Variants in PARP3 observed in about 807,000 individuals in gnomAD.
PARP3 encodes poly(ADP-ribose) polymerase family member 3.
Under a neutral mutation model 58.2 loss-of-function variants are expected in PARP3, and 46 were observed. That is an observed-to-expected ratio of 0.79 (90% CI 0.62 to 1.01). The LOEUF is 1.01. Ranked by LOEUF, PARP3 falls within the 50% of genes least tolerant of loss-of-function variation. The pLI is 0.00. For missense variants in PARP3, 663 were observed against 683.9 expected (o/e 0.97, Z 0.34); for synonymous variants, 252 against 266.4 (o/e 0.95, Z 0.53).
At position 51,944,133 on chromosome 3, in the gene PARP3, GAAC is replaced by G. The variant is rs757924755; in HGVS notation, c.240_242del (p.Asn80del). 394 of 1,613,576 alleles carry G rather than the reference GAAC, an allele frequency of 2.4e-4. 3 individuals are homozygous for G. Among genetic ancestry groups the G allele is most frequent in the Middle Eastern group, 3.3e-4 (2 of 6,060 alleles). On this transcript the variant is annotated inframe_deletion, in exon 3 of 11. Transcript: ENST00000398755. The surrounding 1 kb of genome is among the most constrained non-coding windows in gnomAD (Gnocchi z 4.2). ...GCACCCTGAACCAGACCAACATCGA[GAAC>G]AACAACAACAAGTTCTACATCATCC...
chr3:51,945,327 T>C, intron 6 of PARP3, 103 bp downstream of exon 6: 1 of 1,377,912 alleles, frequency 7.3e-7, no homozygotes, highest in Non-Finnish European at 1.0e-6. Flanking sequence ...AAGGATGGAC[T>C]GCCTGGGCAG....
chr3:51,944,338 C>T lies in PARP3; in HGVS notation c.313-52C>T. 1 of 1,609,142 alleles carries T rather than the reference C, an allele frequency of 6.2e-7. No individual in the cohort carries two copies. The highest frequency in any genetic ancestry group is 1.1e-5 in the South Asian group (1 of 90,584). ...TCAGCACAGGGCCTGGCCCGACACA[C>T]AGGCCAGCAAATGCTGATGGTGGGC... On this transcript the variant is annotated intron_variant, in intron 3 of 10. Coordinates refer to ENST00000398755, the MANE Select transcript of PARP3 (RefSeq NM_001003931.4). This position sits in a 1 kb window ranked among gnomAD's most constrained non-coding sequence, Gnocchi z 4.2.
Position 51,943,460 on chromosome 3 carries a change from C to T in PARP3, c.105C>T (p.Ala35=). 1 of 1,609,944 alleles carries T rather than the reference C, an allele frequency of 6.2e-7. No homozygotes were observed. The highest frequency in any genetic ancestry group is 8.5e-7 in the Non-Finnish European group (1 of 1,178,728). Residue 35 remains alanine, a synonymous_variant, in exon 2 of 11, where the codon GCC becomes GCT. Transcript: ENST00000398755. ...ACCCCTTCCGCTCCACCGCTGAGGCCCTCAAGGCCATACCCGCAGAGAAGC... is the reference window on the plus strand; with the variant it reads ...ACCCCTTCCGCTCCACCGCTGAGGCTCTCAAGGCCATACCCGCAGAGAAGC... ...EEDPFRSTAE[A]LKAIPAEKRI... is the part of the protein sequence containing the mutation.
rs1161421498 is a variant in PARP3, at chr3:51,942,543, TC to T, written c.-163del. The T allele has an allele frequency of 9.8e-6, 7 of 715,190 alleles. No homozygotes were observed. Among genetic ancestry groups the T allele is most frequent in the Non-Finnish European group, 2.6e-6 (1 of 385,778 alleles). The allele number at this position is 715,190 out of a possible 1,614,324, so 44.3% of individuals were successfully genotyped here. On this transcript the variant is annotated 5_prime_UTR_variant, in exon 1 of 11. The change creates a premature stop within an existing upstream ORF in the 5' untranslated region. Transcript: ENST00000398755. ...TGGTGGCCAAATAGCCGATGTCTAA[TC>T]CCCCACACAAGCTCATCCCCGGCCT...
intron 10 of PARP3, 42 bp downstream of exon 10, chr3:51,947,937 G>A (rs1390241134): frequency 6.9e-6 from 11 of 1,594,854 alleles, no homozygotes; most frequent in East Asian, 4.5e-5. Context: ...GAGAGGTGGG[G>A]CCGAGATAGG....
Position 51,944,051 on chromosome 3 carries a change from C to A in PARP3, c.184-38C>A, listed in dbSNP as rs1166382023. 1.2e-6 allele frequency: 2 copies of A among 1,600,682 alleles called. No homozygotes were observed. Among genetic ancestry groups the A allele is most frequent in the Non-Finnish European group, 1.7e-6 (2 of 1,173,474 alleles). On this transcript the variant is annotated intron_variant, in intron 2 of 10. Coordinates refer to ENST00000398755, the MANE Select transcript of PARP3 (RefSeq NM_001003931.4). This position sits in a 1 kb window ranked among gnomAD's most constrained non-coding sequence, Gnocchi z 4.2. ...GTGTACGGCCAGGCACCCCATCTGA[C>A]CCCAGCCAGCCTGCCCCCCACCTCC...
At position 51,945,519 on chromosome 3, in the gene PARP3, C is replaced by T. The variant is rs1699655555; in HGVS notation, c.886C>T (p.Gln296Ter). Residue 296 changes from glutamine (Q) to a stop codon, truncating the protein, a stop_gained, in exon 7 of 11, where the codon CAG becomes TAG. Coordinates refer to ENST00000398755, the MANE Select transcript of PARP3 (RefSeq NM_001003931.4). LOFTEE classifies it high-confidence loss of function. ...LLVLADIELA[Q>*]ALQAVSEQEK... ...GGTGCTGGCGGACATCGAGCTGGCC[C>T]AGGCCCTGCAGGCAGTCTCTGAGCA... 1.9e-6 allele frequency: 3 copies of T among 1,613,648 alleles called. No homozygotes were observed. Among genetic ancestry groups the T allele is most frequent in the East Asian group, 2.2e-5 (1 of 44,896 alleles).
rs1189933296 is a variant in PARP3 at position 51,947,860 on chromosome 3, TC to T, written c.1398del (p.Phe466LeufsTer83). ...AGCTTGAAGAGCCCACCTCCTGGCT[TC>T]GACAGTGTCATTGCCCGAGGCCACA... ...NPSLKSPPPG[F>X]DSVIARGHTE... On this transcript the variant is annotated frameshift_variant, in exon 10 of 11. Coordinates refer to ENST00000398755, the MANE Select transcript of PARP3 (RefSeq NM_001003931.4). LOFTEE classifies it high-confidence loss of function. 2 of 1,614,058 alleles carry T rather than the reference TC, an allele frequency of 1.2e-6. No homozygotes were observed. Among genetic ancestry groups the T allele is most frequent in the South Asian group, 2.2e-5 (2 of 91,078 alleles).
In PARP3 at chr3:51,944,930, C is replaced by G; in HGVS notation, c.634+20C>G. ...ACCTGGGTGAGGGGTGAGAGGCAGGCAGGGTGGCAGGGGCCTCAGGGTGGC... is the reference window on the plus strand; with the variant it reads ...ACCTGGGTGAGGGGTGAGAGGCAGGGAGGGTGGCAGGGGCCTCAGGGTGGC... On this transcript the variant is annotated intron_variant, in intron 5 of 10. Coordinates refer to ENST00000398755, the MANE Select transcript of PARP3 (RefSeq NM_001003931.4). This position sits in a 1 kb window ranked among gnomAD's most constrained non-coding sequence, Gnocchi z 4.2. 2 of 1,613,346 alleles carry G rather than the reference C, an allele frequency of 1.2e-6. No homozygotes were observed. Among genetic ancestry groups the G allele is most frequent in the Non-Finnish European group, 8.5e-7 (1 of 1,179,734 alleles).
At chr3:51,945,816 C>T (rs1699663449) in intron 7 of PARP3, 37 bp from the exon 8 acceptor site, 2 of 1,586,124 alleles carry the variant, frequency 1.3e-6, no homozygotes, top group Admixed American at 1.7e-5. Flanking sequence ...GCTCCTGAGC[C>T]TCCCACCCTG....
chr3:51,945,045 C>T lies in PARP3; in HGVS notation c.682C>T (p.Arg228Trp), dbSNP rs564192189. The T allele has an allele frequency of 2.2e-5, 35 of 1,614,032 alleles. No individual in the cohort carries two copies. The highest frequency in any genetic ancestry group is 1.8e-4 in the South Asian group (16 of 91,076). Residue 228 changes from arginine to tryptophan, a missense_variant, in exon 6 of 11, where the codon CGG (arginine) becomes TGG (tryptophan). Transcript: ENST00000398755. ...AAAGCTGAGCAAGCAACAGATTGCA[C>T]GGGGTTTCGAGGCCTTGGAGGCGCT... ...LGKLSKQQIA[R>W]GFEALEALEE...
At position 51,945,083 on chromosome 3, in the gene PARP3, G is replaced by A; in HGVS notation, c.720G>A (p.Leu240=). ...CCTTGGAGGCGCTGGAGGAGGCCCT[G>A]AAAGGCCCCACGGATGGTGGCCAAA... ...FEALEALEEA[L]KGPTDGGQSL... Residue 240 remains leucine (L), a synonymous_variant, in exon 6 of 11, where the codon CTG becomes CTA. Coordinates refer to ENST00000398755, the MANE Select transcript of PARP3 (RefSeq NM_001003931.4). 6.2e-7 allele frequency: 1 copy of A among 1,614,190 alleles called. No individual in the cohort carries two copies. The highest frequency in any genetic ancestry group is 1.1e-5 in the South Asian group (1 of 91,086).
At chr3:51,943,595 C>G in intron 2 of PARP3, 57 bp downstream of exon 2, 1 of 1,474,502 alleles carries the variant, frequency 6.8e-7, no homozygotes. Context: ...CACAAACACA[C>G]CCAGGCCACC....
In PARP3 at chr3:51,944,426, A is replaced by G; in HGVS notation, c.349A>G (p.Arg117Gly). 6.2e-7 allele frequency: 1 copy of G among 1,613,998 alleles called. No homozygotes were observed. Among genetic ancestry groups the G allele is most frequent in the Non-Finnish European group, 8.5e-7 (1 of 1,180,030 alleles). ...CCAGTCAAAGATCAACCACTTCACA[A>G]GGCTAGAAGATGCAAAGAAGGACTT... ...VGQSKINHFT[R>G]LEDAKKDFEK... The change falls in exon 4 of 11, where the codon AGG becomes GGG. Residue 117 changes from arginine (R) to glycine (G), a missense_variant. Arg to Gly is a moderately radical substitution (Grantham distance 125, BLOSUM62 -2). Transcript: ENST00000398755. The surrounding 1 kb of genome is among the most constrained non-coding windows in gnomAD (Gnocchi z 4.2).
Position 51,943,529 on chromosome 3 carries a change from C to A in PARP3, c.174C>A (p.Pro58=). 2 of 1,608,922 alleles carry A rather than the reference C, an allele frequency of 1.2e-6. No homozygotes were observed. The highest frequency in any genetic ancestry group is 2.2e-5 in the East Asian group (1 of 44,640). Residue 58 remains proline, a synonymous_variant, in exon 2 of 11, where the codon CCC becomes CCA. Transcript: ENST00000398755. The part of the protein sequence containing the change: ...VDPTCPLSSN[P]GTQVYEDYNC... ...CAACATGTCCACTCAGCAGCAACCC[C>A]GGGACCCAGGTGAGCTGCAGTCCCC... is the stretch of plus-strand genomic sequence containing the variant.
Position 51,944,301 on chromosome 3 carries a change from G to C in PARP3, c.312+84G>C, listed in dbSNP as rs1699617856. The C allele has an allele frequency of 1.9e-6, 3 of 1,604,244 alleles. No individual in the cohort carries two copies. The highest frequency in any genetic ancestry group is 2.6e-6 in the Non-Finnish European group (3 of 1,173,346). On this transcript the variant is annotated intron_variant, in intron 3 of 10. Coordinates refer to ENST00000398755, the MANE Select transcript of PARP3 (RefSeq NM_001003931.4). This position sits in a 1 kb window ranked among gnomAD's most constrained non-coding sequence, Gnocchi z 4.2. Reference sequence around the variant, plus strand: ...TGACTTGGGGGGGCACCTCCCAACTGTCCCAGGGCACTCAGCACAGGGCCT... The same window carrying C: ...TGACTTGGGGGGGCACCTCCCAACTCTCCCAGGGCACTCAGCACAGGGCCT...
In PARP3 at chr3:51,944,754, C is replaced by A. The variant is rs769833719; in HGVS notation, c.502-24C>A. 6.3e-7 allele frequency: 1 copy of A among 1,596,560 alleles called. No individual in the cohort carries two copies. The highest frequency in any genetic ancestry group is 1.8e-5 in the Admixed American group (1 of 56,978). On this transcript the variant is annotated intron_variant, in intron 4 of 10. Transcript: ENST00000398755. This position sits in a 1 kb window ranked among gnomAD's most constrained non-coding sequence, Gnocchi z 4.2. Reference sequence around the variant, plus strand: ...GTCACGCCCTGCCCCGCTGCTCCTGCCCACATGTGCCCTCTATCTTCAGGT... The same window carrying A: ...GTCACGCCCTGCCCCGCTGCTCCTGACCACATGTGCCCTCTATCTTCAGGT...
chr3:51,944,585 T>C lies in PARP3; in HGVS notation c.501+7T>C. Reference sequence around the variant, plus strand: ...CCAGGAAGCTGTGGTGAAGGTGAGATGGCCAAGGAAGGTGGGCAGGCCCTG... The same window carrying C: ...CCAGGAAGCTGTGGTGAAGGTGAGACGGCCAAGGAAGGTGGGCAGGCCCTG... On this transcript the variant is annotated splice_region_variant and intron_variant, in intron 4 of 10. Transcript: ENST00000398755. This position sits in a 1 kb window ranked among gnomAD's most constrained non-coding sequence, Gnocchi z 4.2. 6.2e-7 allele frequency: 1 copy of C among 1,613,622 alleles called. No individual in the cohort carries two copies. The highest frequency in any genetic ancestry group is 8.5e-7 in the Non-Finnish European group (1 of 1,179,606).
Position 51,946,751 on chromosome 3 carries a change from AAAAAAT to A in PARP3, c.1276+420_1276+425del, listed in dbSNP as rs1221471884. Among the ~76,000 whole-genome samples the A allele has an allele frequency of 6.6e-6, 1 of 152,192 alleles. No homozygotes were observed. Among genetic ancestry groups the A allele is most frequent in the Non-Finnish European group, 1.5e-5 (1 of 68,030 alleles). On this transcript the variant is annotated intron_variant, in intron 9 of 10. Transcript: ENST00000398755. The surrounding 1 kb of genome is among the most constrained non-coding windows in gnomAD (Gnocchi z 4.6). ...GTGTGACAGAGCCAGACTCCATCTG[AAAAAAT>A]AAAAATAAAAAAGAGGAGACGTCAA...
Sources: gnomAD v4.1 joint callset for allele counts (sites outside exome capture counted in the v4.1 genomes callset) on GRCh38, gnomAD v4.1.1 for gene constraint, Gnocchi (gnomAD v3.1) non-coding constraint, MANE v1.5 for transcripts, NCBI Gene and HGNC (gene_info 2026-07-23, HGNC 2026-07-21) for gene names.